Variants in TIMP3 observed in about 807,000 individuals in gnomAD.
The protein encoded by TIMP3 is TIMP metallopeptidase inhibitor 3.
TIMP3 carries 11 observed loss-of-function variants against 30.0 expected under a neutral mutation model. The observed-to-expected ratio is 0.37, with a 90% CI of 0.23 to 0.61. TIMP3 has a LOEUF of 0.61. Among genes scored for constraint, TIMP3 ranks in the 20% least tolerant of loss-of-function variants. TIMP3 has a pLI of 0.70. For synonymous variants in TIMP3, 112 were observed against 111.3 expected (o/e 1.01, Z -0.04); for missense variants, 181 against 276.8 (o/e 0.65, Z 2.45).
At position 32,841,982 on chromosome 22, in the gene TIMP3, C is replaced by T. The variant is rs73885116; in HGVS notation, c.122-7470C>T. ...ATAGCAGGACCACGAGCCTGCACCT[C>T]GATGACCGGACTGAGCACCAAGAAG... On this transcript the variant is annotated intron_variant, in intron 1 of 4. Coordinates refer to ENST00000266085, the MANE Select transcript of TIMP3 (RefSeq NM_000362.5). Among the ~76,000 whole-genome samples, 1,359 of 152,246 alleles carry T rather than the reference C, an allele frequency of 8.9e-3. 20 individuals are homozygous for T. Among genetic ancestry groups the T allele is most frequent in the African/African-American group, 0.031 (1,304 of 41,544 alleles).
At chr22:32,820,269 C>T (rs1020221042) in intron 1 of TIMP3, among the ~76,000 whole-genome samples, 419 of 145,002 alleles carry the variant, frequency 2.9e-3, no homozygotes, top group African/African-American at 5.8e-3. Context: ...TGTGCGTGCG[C>T]GTGTGTGTGT....
intron 1 of TIMP3, among the ~76,000 whole-genome samples, chr22:32,813,302 G>A (rs966262449): frequency 6.6e-6 from 1 of 152,148 alleles, no homozygotes; most frequent in Non-Finnish European, 1.5e-5. Flanking sequence ...CTTTGGCTTT[G>A]GAGTTGGGGA....
chr22:32,825,389 G>A (rs130291), intron 1 of TIMP3, among the ~76,000 whole-genome samples: 67,796 of 151,718 alleles, frequency 0.45, 15,345 homozygotes, highest in African/African-American at 0.5. Flanking sequence ...AGCCAGGCAC[G>A]GTGGCTCACG....
At position 32,862,963 on chromosome 22, in the gene TIMP3, T is replaced by C. The variant is rs567423091; in HGVS notation, c.*3586T>C. ...TTTTATATTCCGTGAATGTATATTG[T>C]CTTGTAATGTTGCATAATGTTCACT... On this transcript the variant is annotated 3_prime_UTR_variant, in exon 5 of 5. Transcript: ENST00000266085. The C allele has an allele frequency of 6.6e-4, 101 of 152,810 alleles. No homozygotes were observed. The highest frequency in any genetic ancestry group is 2.4e-3 in the African/African-American group (100 of 41,584). 9.5% of individuals were successfully genotyped at this position (152,810 alleles called of 1,614,324 possible).
At chr22:32,830,365 C>T (rs2047537152) in intron 1 of TIMP3, among the ~76,000 whole-genome samples, 1 of 152,158 alleles carries the variant, frequency 6.6e-6, no homozygotes, top group South Asian at 2.1e-4. Context: ...TTGCATCTCC[C>T]TTTTCAAGCT....
intron 1 of TIMP3, among the ~76,000 whole-genome samples, chr22:32,838,892 C>T (rs568389568): frequency 9.9e-5 from 15 of 151,798 alleles, no homozygotes; most frequent in South Asian, 2.1e-4. Context: ...CCCTGCCATC[C>T]GGTAATTAGC....
intron 1 of TIMP3, among the ~76,000 whole-genome samples, chr22:32,815,756 T>G (rs1440532224): frequency 6.6e-6 from 1 of 152,196 alleles, no homozygotes; most frequent in Non-Finnish European, 1.5e-5. Context: ...ACTAGGTAAC[T>G]TACCTAGTAT....
intron 1 of TIMP3, among the ~76,000 whole-genome samples, chr22:32,834,160 T>TC (rs1341299688): frequency 6.6e-6 from 1 of 151,854 alleles, no homozygotes; most frequent in Non-Finnish European, 1.5e-5. Context: ...AGCCCAGCTT[T>TC]TTTTTTTTTG....
At position 32,859,750 on chromosome 22, in the gene TIMP3, A is replaced by C; in HGVS notation, c.*373A>C. On this transcript the variant is annotated 3_prime_UTR_variant, in exon 5 of 5. Coordinates refer to ENST00000266085, the MANE Select transcript of TIMP3 (RefSeq NM_000362.5). Reference sequence around the variant, plus strand: ...TTCCCACCCCTCTTGCTTCTTCCCCACCTCACCATCTCCCAGACCCTCTTC... The same window carrying C: ...TTCCCACCCCTCTTGCTTCTTCCCCCCCTCACCATCTCCCAGACCCTCTTC... 2 of 263,774 alleles carry C rather than the reference A, an allele frequency of 7.6e-6. No individual in the cohort carries two copies. The highest frequency in any genetic ancestry group is 1.5e-5 in the Non-Finnish European group (2 of 136,626). The allele number at this position is 263,774 out of a possible 1,614,324, so 16.3% of individuals were successfully genotyped here. A position where few individuals can be genotyped will look rare whatever the true frequency, so the allele number is the denominator to read the frequency against.
At chr22:32,811,464 G>A (rs911786339) in intron 1 of TIMP3, among the ~76,000 whole-genome samples, 1 of 152,182 alleles carries the variant, frequency 6.6e-6, no homozygotes, top group Non-Finnish European at 1.5e-5. Flanking sequence ...GTGATGTGAT[G>A]TTTTCCAGGG....
At chr22:32,859,082 C>A in intron 4 of TIMP3, 98 bp from the exon 5 acceptor site, 1 of 1,190,928 alleles carries the variant, frequency 8.4e-7, no homozygotes, top group Non-Finnish European at 1.3e-6. Context: ...CTAGGCTTCC[C>A]ATGCAGTGGC....
At position 32,802,016 on chromosome 22, in the gene TIMP3, C is replaced by T. The variant is rs756879798; in HGVS notation, c.15C>T (p.Leu5=). Residue 5 remains leucine (L), a synonymous_variant, in exon 1 of 5, where the codon CTC becomes CTT. Transcript: ENST00000266085. The part of the protein sequence containing the change: MTPW[L]GLIVLLGSWS... ...CAGCAGCGGCAATGACCCCTTGGCT[C>T]GGGCTCATCGTGCTCCTGGGCAGCT... 83 of 1,578,416 alleles carry T rather than the reference C, an allele frequency of 5.3e-5. No homozygotes were observed. The highest frequency in any genetic ancestry group is 1.4e-4 in the Admixed American group (8 of 55,846).
At chr22:32,834,774 A>C (rs1165871505) in intron 1 of TIMP3, among the ~76,000 whole-genome samples, 1 of 152,142 alleles carries the variant, frequency 6.6e-6, no homozygotes, top group Non-Finnish European at 1.5e-5. Context: ...TATGATTCCT[A>C]TCTGGTACAG....
intron 1 of TIMP3, among the ~76,000 whole-genome samples, chr22:32,803,316 C>A (rs899378503): frequency 6.6e-6 from 1 of 151,472 alleles, no homozygotes; most frequent in African/African-American, 2.4e-5. Flanking sequence ...ACTCTACCAG[C>A]GTGTTGTGGT....
chr22:32,827,426 G>A (rs756620911), intron 1 of TIMP3, among the ~76,000 whole-genome samples: 1 of 152,228 alleles, frequency 6.6e-6, no homozygotes, highest in Non-Finnish European at 1.5e-5. Context: ...CCTGGTGCCA[G>A]TCCCTGCAAG....
At chr22:32,806,982 A>G (rs2046758893) in intron 1 of TIMP3, among the ~76,000 whole-genome samples, 1 of 151,908 alleles carries the variant, frequency 6.6e-6, no homozygotes, top group Non-Finnish European at 1.5e-5. Context: ...ATACCACATA[A>G]TACCACATAT....
In TIMP3 at chr22:32,837,342, C is replaced by G. The variant is rs910332346; in HGVS notation, c.122-12110C>G. On this transcript the variant is annotated intron_variant, in intron 1 of 4. Coordinates refer to ENST00000266085, the MANE Select transcript of TIMP3 (RefSeq NM_000362.5). The surrounding 1 kb of genome is among the most constrained non-coding windows in gnomAD (Gnocchi z 4.1). Reference sequence around the variant, plus strand: ...GGGATAGGGGGTGGTCTCAGCCCCCCTCACCGAGTGCACTTGCATGGCAGT... The same window carrying G: ...GGGATAGGGGGTGGTCTCAGCCCCCGTCACCGAGTGCACTTGCATGGCAGT... 6.6e-6 allele frequency among the ~76,000 whole-genome samples: 1 copy of G among 152,170 alleles called. No individual in the cohort carries two copies. Among genetic ancestry groups the G allele is most frequent in the Non-Finnish European group, 1.5e-5 (1 of 68,048 alleles).
intron 1 of TIMP3, among the ~76,000 whole-genome samples, chr22:32,827,981 G>A (rs2047461161): frequency 6.6e-6 from 1 of 152,056 alleles, no homozygotes; most frequent in South Asian, 2.1e-4. Context: ...CAGCCTCCTT[G>A]TCTATTCCCC....
chr22:32,814,339 G>GAAAGAAAGAAAGAAAGGAAGGAAGAA (rs369652077), intron 1 of TIMP3, among the ~76,000 whole-genome samples: 1 of 10,350 alleles, frequency 9.7e-5, no homozygotes, highest in African/African-American at 2.0e-4. Context: ...AAGAAAGAAA[G>GAAAGAAAGAAAGAAAGGAAGGAAGAA]AGAAAGAAAG....
Sources: allele counts gnomAD v4.1 joint callset (sites outside exome capture counted in the v4.1 genomes callset), GRCh38; gene constraint gnomAD v4.1.1; non-coding constraint Gnocchi (gnomAD v3.1); transcripts MANE v1.5; gene names NCBI Gene and HGNC (gene_info 2026-07-23, HGNC 2026-07-21).